Variants in BICDL1 observed in about 807,000 individuals in gnomAD.
BICDL1 encodes the protein BICD family like cargo adaptor 1, also known as BICD family-like cargo adapter 1.
In BICDL1, 20 loss-of-function variants were observed where a neutral mutation model predicts 76.8. The ratio of observed to expected loss-of-function variants is 0.26; its 90% CI spans 0.18 to 0.38. BICDL1 has a LOEUF of 0.38. BICDL1 is among the 10% of genes least tolerant of loss of function. The probability of loss-of-function intolerance (pLI) is 1.00; values close to 1 mark genes in which losing one functional copy is unlikely to be tolerated. For missense variants in BICDL1, 700 were observed against 798.6 expected (o/e 0.88, Z 1.49); for synonymous variants, 383 against 337.1 (o/e 1.14, Z -1.49).
At position 120,091,587 on chromosome 12, in the gene BICDL1, A is replaced by G. The variant is rs1481010586; in HGVS notation, c.1705-1413A>G. The G allele has an allele frequency of 4.1e-6, 4 of 984,808 alleles. No homozygotes were observed. The African/African-American group carries it at 5.3e-5, about 13-fold the overall frequency. 61.0% of individuals were successfully genotyped at this position (984,808 alleles called of 1,614,324 possible). A position where few individuals can be genotyped will look rare whatever the true frequency, so the allele number is the denominator to read the frequency against. On this transcript the variant is annotated intron_variant, in intron 9 of 9. Coordinates refer to ENST00000548673, the MANE Select transcript of BICDL1 (RefSeq NM_001367886.1). ...GGGCAAGTGGAAAAGGGGATGGAAG[A>G]GAAGGGAAGAAGACAAGGGCAAGGA...
chr12:120,091,467 C>G, intron 9 of BICDL1: 1 of 998,572 alleles, frequency 1.0e-6, no homozygotes, highest in South Asian at 4.3e-5. Flanking sequence ...CTGAGCACGT[C>G]GTAAGTGCAG....
chr12:120,074,591 G>A lies in BICDL1; in HGVS notation c.1452+5G>A. 1 of 1,214,708 alleles carries A rather than the reference G, an allele frequency of 8.2e-7. No homozygotes were observed. Among genetic ancestry groups the A allele is most frequent in the South Asian group, 1.5e-5 (1 of 68,206 alleles). 75.2% of individuals were successfully genotyped at this position (1,214,708 alleles called of 1,614,324 possible). On this transcript the variant is annotated splice_donor_5th_base_variant and intron_variant, in intron 7 of 9. Coordinates refer to ENST00000548673, the MANE Select transcript of BICDL1 (RefSeq NM_001367886.1). ...CTGCAGCGACTCCACAGTCAGGTGAGCACCCCAACCTTCAGTTCAGTGCAG... is the reference window on the plus strand; with the variant it reads ...CTGCAGCGACTCCACAGTCAGGTGAACACCCCAACCTTCAGTTCAGTGCAG...
At chr12:120,087,182 T>C (rs1003277381) in intron 8 of BICDL1, among the ~76,000 whole-genome samples, 12 of 152,256 alleles carry the variant, frequency 7.9e-5, no homozygotes, top group African/African-American at 2.9e-4. Context: ...TTCCGCTGTT[T>C]GCTGCCAGCC....
chr12:120,068,694 T>C (rs888267495), intron 4 of BICDL1, among the ~76,000 whole-genome samples: 39 of 152,234 alleles, frequency 2.6e-4, no homozygotes, highest in African/African-American at 7.2e-4. Flanking sequence ...CGCATGCCTG[T>C]GGTCCCAGCT....
At chr12:120,054,972 T>C in intron 2 of BICDL1, among the ~76,000 whole-genome samples, 1 of 152,174 alleles carries the variant, frequency 6.6e-6, no homozygotes, top group Non-Finnish European at 1.5e-5. Flanking sequence ...CACACATATA[T>C]GTAGAAAGAT....
intron 2 of BICDL1, chr12:120,057,011 A>G (rs1952989310): frequency 4.0e-6 from 2 of 502,926 alleles, no homozygotes; most frequent in Admixed American, 4.0e-5. Flanking sequence ...CCTCTCGCCC[A>G]CGCAGGTGGG....
chr12:120,050,368 G>A (rs1273866254), intron 2 of BICDL1, among the ~76,000 whole-genome samples: 2 of 150,794 alleles, frequency 1.3e-5, no homozygotes, highest in Admixed American at 6.6e-5. Flanking sequence ...CTGGGTTCAC[G>A]CCATTCTCCT....
intron 2 of BICDL1, among the ~76,000 whole-genome samples, chr12:120,050,713 C>T (rs1952840773): frequency 6.6e-6 from 1 of 152,026 alleles, no homozygotes; most frequent in Non-Finnish European, 1.5e-5. Context: ...ACGATCTTGG[C>T]TCACTGCAAC....
chr12:120,092,622 G>A (rs548375482), intron 9 of BICDL1: 33 of 985,330 alleles, frequency 3.3e-5, no homozygotes, highest in Admixed American at 6.1e-5. Flanking sequence ...AAGCCAAACC[G>A]GAGGCACCAG....
intron 3 of BICDL1, among the ~76,000 whole-genome samples, chr12:120,062,466 T>A (rs1233183235): frequency 2.6e-5 from 4 of 152,050 alleles, no homozygotes; most frequent in African/African-American, 9.7e-5. Flanking sequence ...GGTCTGCTTT[T>A]GAGGACCCTT....
chr12:120,021,892 G>A (rs1952190413), intron 2 of BICDL1, among the ~76,000 whole-genome samples: 1 of 149,552 alleles, frequency 6.7e-6, no homozygotes, highest in Admixed American at 6.6e-5. Context: ...GCAACAGAGC[G>A]AGGCTCTGTC....
At chr12:120,082,757 C>T (rs954442187) in intron 8 of BICDL1, among the ~76,000 whole-genome samples, 1 of 151,892 alleles carries the variant, frequency 6.6e-6, no homozygotes, top group African/African-American at 2.4e-5. Context: ...TTTGTAGATA[C>T]GGGTTTTCAC....
At chr12:120,068,900 C>T (rs1872870254) in intron 4 of BICDL1, among the ~76,000 whole-genome samples, 1 of 152,122 alleles carries the variant, frequency 6.6e-6, no homozygotes, top group Non-Finnish European at 1.5e-5. Flanking sequence ...GTGAACTGCA[C>T]ACAGAAGGGG....
intron 2 of BICDL1, among the ~76,000 whole-genome samples, chr12:120,055,238 C>A (rs1045052517): frequency 6.6e-6 from 1 of 152,140 alleles, no homozygotes; most frequent in Non-Finnish European, 1.5e-5. Flanking sequence ...TTTATTAGTT[C>A]ATTTGTTTTC....
intron 7 of BICDL1, among the ~76,000 whole-genome samples, chr12:120,080,158 G>A (rs1003215773): frequency 6.6e-6 from 1 of 152,228 alleles, no homozygotes; most frequent in African/African-American, 2.4e-5. Flanking sequence ...GGTGTACACA[G>A]GGTTACCATA....
intron 2 of BICDL1, among the ~76,000 whole-genome samples, chr12:120,029,058 A>T (rs1952367449): frequency 6.6e-6 from 1 of 152,198 alleles, no homozygotes. Flanking sequence ...CCAAGAAGTC[A>T]GTGAGGATCC....
chr12:120,055,826 G>A (rs1304001078), intron 2 of BICDL1, among the ~76,000 whole-genome samples: 1 of 152,202 alleles, frequency 6.6e-6, no homozygotes, highest in Non-Finnish European at 1.5e-5. Context: ...TTGTACTGTT[G>A]ATAGGGATAT....
chr12:120,045,428 C>G lies in BICDL1; in HGVS notation c.646-16282C>G, dbSNP rs575361814. Among the ~76,000 whole-genome samples the G allele has an allele frequency of 3.3e-5, 5 of 152,088 alleles. No homozygotes were observed. In the South Asian group the frequency reaches 1.0e-3, roughly 32 times the overall value. On this transcript the variant is annotated intron_variant, in intron 2 of 9. Coordinates refer to ENST00000548673, the MANE Select transcript of BICDL1 (RefSeq NM_001367886.1). ...GCCATCCCATTACTGGGTATATACCCAAAGGACTATAAATCATGCTGCTTT... is the reference window on the plus strand; with the variant it reads ...GCCATCCCATTACTGGGTATATACCGAAAGGACTATAAATCATGCTGCTTT...
chr12:120,006,022 C>A (rs1389600487), intron 2 of BICDL1, among the ~76,000 whole-genome samples: 1 of 152,194 alleles, frequency 6.6e-6, no homozygotes, highest in African/African-American at 2.4e-5. Context: ...AGTCTATACT[C>A]TCCTCATATC....
Sources: allele counts gnomAD v4.1 joint callset (sites outside exome capture counted in the v4.1 genomes callset), GRCh38; gene constraint gnomAD v4.1.1; transcripts MANE v1.5; gene names NCBI Gene and HGNC (gene_info 2026-07-23, HGNC 2026-07-21).